PDE10A: variants seen among roughly 807,000 people sequenced by gnomAD.
PDE10A encodes the protein phosphodiesterase 10A, also known as cAMP and cAMP-inhibited cGMP 3',5'-cyclic phosphodiesterase 10A.
In PDE10A, 39 loss-of-function variants were observed where a neutral mutation model predicts 97.7. The observed-to-expected ratio is 0.40, with a 90% CI of 0.31 to 0.52. The LOEUF (loss-of-function observed/expected upper bound fraction) is 0.52, where lower values mean the gene tolerates loss of function less well. Among genes scored for constraint, PDE10A ranks in the 20% least tolerant of loss-of-function variants. The pLI is 0.56. For synonymous variants in PDE10A, 371 were observed against 376.8 expected, an observed-to-expected ratio of 0.98 and a Z score of 0.18; for missense variants, 731 against 1,047.8, an observed-to-expected ratio of 0.70 and a Z score of 4.17.
intron 1 of PDE10A, chr6:165,754,076 A>G (rs548028836): frequency 6.6e-6 from 1 of 152,298 alleles, no homozygotes; most frequent in East Asian, 1.9e-4. Context: ...CAAAGAGAAA[A>G]CAAGCCACAA....
chr6:165,688,474 C>G (rs1441252357), intron 1 of PDE10A, among the ~76,000 whole-genome samples: 1 of 152,200 alleles, frequency 6.6e-6, no homozygotes, highest in Non-Finnish European at 1.5e-5. Context: ...GGGGGCTTCC[C>G]TGGACTTGAA....
intron 10 of PDE10A, among the ~76,000 whole-genome samples, chr6:165,419,970 T>C (rs1197252124): frequency 1.3e-5 from 2 of 152,188 alleles, no homozygotes; most frequent in African/African-American, 4.8e-5. Flanking sequence ...CACTATTACA[T>C]GTTTGTACTC....
At chr6:165,859,978 G>A (rs1780853645) in intron 1 of PDE10A, among the ~76,000 whole-genome samples, 1 of 152,160 alleles carries the variant, frequency 6.6e-6, no homozygotes. Flanking sequence ...TGCTAAGTGG[G>A]AGCTAAGCCA....
At chr6:165,904,767 C>T (rs541679563) in intron 1 of PDE10A, among the ~76,000 whole-genome samples, 3 of 152,144 alleles carry the variant, frequency 2.0e-5, no homozygotes, top group Non-Finnish European at 4.4e-5. Flanking sequence ...TCGCTTAGTA[C>T]TGCATTTGTG....
At chr6:165,849,960 T>C (rs568166472) in intron 1 of PDE10A, among the ~76,000 whole-genome samples, 2 of 152,280 alleles carry the variant, frequency 1.3e-5, no homozygotes, top group East Asian at 1.9e-4. Context: ...AAGAGAGACA[T>C]ATGAGCATCA....
chr6:165,812,695 A>T (rs968578729), intron 1 of PDE10A, among the ~76,000 whole-genome samples: 2 of 152,212 alleles, frequency 1.3e-5, no homozygotes, highest in Non-Finnish European at 2.9e-5. Flanking sequence ...GTTTGATTTT[A>T]TATGTTCTCC....
intron 1 of PDE10A, among the ~76,000 whole-genome samples, chr6:165,691,061 TA>T: frequency 9.0e-6 from 1 of 111,294 alleles, no homozygotes; most frequent in African/African-American, 3.9e-5. Context: ...CTTACAGTAA[TA>T]CTCTCTCTCT....
intron 1 of PDE10A, among the ~76,000 whole-genome samples, chr6:165,552,321 T>A (rs1424678333): frequency 6.6e-6 from 1 of 152,190 alleles, no homozygotes; most frequent in Non-Finnish European, 1.5e-5. Context: ...GCTCTTCTAC[T>A]TAGAAAGGCT....
intron 1 of PDE10A, among the ~76,000 whole-genome samples, chr6:165,653,004 T>G (rs1200892654): frequency 6.6e-6 from 1 of 152,196 alleles, no homozygotes; most frequent in Non-Finnish European, 1.5e-5. Context: ...GTGTTCACAG[T>G]AGCTCAGAAG....
chr6:165,606,945 A>C (rs1787239971), intron 1 of PDE10A, among the ~76,000 whole-genome samples: 1 of 152,186 alleles, frequency 6.6e-6, no homozygotes, highest in Non-Finnish European at 1.5e-5. Flanking sequence ...CACTCTGGCA[A>C]CAACTTAGGG....
At chr6:165,817,925 C>A (rs1031872814) in intron 1 of PDE10A, among the ~76,000 whole-genome samples, 1 of 152,220 alleles carries the variant, frequency 6.6e-6, no homozygotes, top group Admixed American at 6.5e-5. Flanking sequence ...CTATCTGACC[C>A]TACCTGCCTC....
At chr6:165,502,294 T>G (rs1780936935) in intron 2 of PDE10A, among the ~76,000 whole-genome samples, 1 of 152,170 alleles carries the variant, frequency 6.6e-6, no homozygotes, top group South Asian at 2.1e-4. Flanking sequence ...ATACTTTGGC[T>G]CTTCAAGAGA....
At chr6:165,921,012 G>A (rs538142444) in intron 1 of PDE10A, among the ~76,000 whole-genome samples, 4 of 152,326 alleles carry the variant, frequency 2.6e-5, no homozygotes, top group African/African-American at 9.6e-5. Flanking sequence ...CAAAGGTCTT[G>A]ACTCATCCTC....
At chr6:165,366,349 T>C (rs1225346363) in intron 18 of PDE10A, among the ~76,000 whole-genome samples, 1 of 152,156 alleles carries the variant, frequency 6.6e-6, no homozygotes, top group African/African-American at 2.4e-5. Flanking sequence ...ATGACATTAC[T>C]ATATACCTTA....
chr6:165,609,576 T>C (rs1394705611), intron 1 of PDE10A, among the ~76,000 whole-genome samples: 2 of 152,226 alleles, frequency 1.3e-5, no homozygotes, highest in Admixed American at 6.5e-5. Flanking sequence ...TTGTCCCTGT[T>C]TGCAGACGAC....
At chr6:165,939,115 T>G (rs1457867846) in intron 1 of PDE10A, among the ~76,000 whole-genome samples, 1 of 152,242 alleles carries the variant, frequency 6.6e-6, no homozygotes, top group Non-Finnish European at 1.5e-5. Context: ...GAAGTGCTAT[T>G]GATTAAGCCA....
chr6:165,501,784 C>T (rs1045369919), intron 2 of PDE10A, among the ~76,000 whole-genome samples: 7 of 152,150 alleles, frequency 4.6e-5, no homozygotes, highest in Non-Finnish European at 1.0e-4. Flanking sequence ...GGCCTTCTGT[C>T]GAACTTGACA....
intron 1 of PDE10A, among the ~76,000 whole-genome samples, chr6:165,614,786 TCTCA>T (rs1787650163): frequency 6.6e-6 from 1 of 151,446 alleles, no homozygotes; most frequent in African/African-American, 2.4e-5. Flanking sequence ...CCTCAGACAG[TCTCA>T]CTGACTCTCC....
chr6:165,910,479 G>A (rs557543028), intron 1 of PDE10A, among the ~76,000 whole-genome samples: 20 of 152,232 alleles, frequency 1.3e-4, no homozygotes, highest in African/African-American at 3.6e-4. Flanking sequence ...ATATAGTGTC[G>A]TGCAGGTTTA....
Sources: allele counts gnomAD v4.1 joint callset (sites outside exome capture counted in the v4.1 genomes callset), GRCh38; gene constraint gnomAD v4.1.1; transcripts MANE v1.5; gene names NCBI Gene and HGNC (gene_info 2026-07-23, HGNC 2026-07-21).